Variants in LRRC49 observed in about 807,000 individuals in gnomAD.
LRRC49 encodes the protein leucine-rich repeat-containing protein 49.
In LRRC49, 50 loss-of-function variants were observed where a neutral mutation model predicts 83.3. The ratio of observed to expected loss-of-function variants is 0.60; its 90% CI spans 0.48 to 0.76. The LOEUF (loss-of-function observed/expected upper bound fraction) is 0.76, where lower values mean the gene tolerates loss of function less well. Ranked by LOEUF, LRRC49 falls within the 30% of genes least tolerant of loss-of-function variation. The pLI, the probability that LRRC49 is intolerant of heterozygous loss-of-function variation, is 0.00. For missense variants in LRRC49, 704 were observed against 809.1 expected, an observed-to-expected ratio of 0.87 and a Z score of 1.58; for synonymous variants, 286 against 283.3, an observed-to-expected ratio of 1.01 and a Z score of -0.10.
intron 14 of LRRC49, among the ~76,000 whole-genome samples, chr15:71,014,991 A>C (rs1232563415): frequency 1.3e-5 from 2 of 152,202 alleles, no homozygotes; most frequent in Non-Finnish European, 2.9e-5. Context: ...AACATCTATT[A>C]AACTGAAAGT....
Position 70,984,097 on chromosome 15 carries a change from A to G in LRRC49, c.1009A>G (p.Lys337Glu). ...ESHKQSLLKEKKRLTINNVAR... is the reference protein window; with the variant it reads ...ESHKQSLLKEEKRLTINNVAR... The stretch of plus-strand genomic sequence containing the variant: ...GTCACAATTAACTTTTTCATAGGAG[A>G]AGAAAAGGTTAACAATTAACAACGT... Residue 337 changes from lysine (K) to glutamate (E), a missense_variant, in exon 11 of 16, where the codon AAG becomes GAG. By Grantham distance (56) the Lys-to-Glu change is moderately conservative (BLOSUM62 1). Coordinates refer to ENST00000260382, the MANE Select transcript of LRRC49 (RefSeq NM_017691.5). 1.9e-6 allele frequency: 3 copies of G among 1,612,306 alleles called. No homozygotes were observed. Among genetic ancestry groups the G allele is most frequent in the Non-Finnish European group, 2.5e-6 (3 of 1,179,156 alleles).
intron 11 of LRRC49, among the ~76,000 whole-genome samples, chr15:70,992,756 AG>A (rs1194618061): frequency 6.6e-6 from 1 of 152,200 alleles, no homozygotes; most frequent in Non-Finnish European, 1.5e-5. Flanking sequence ...TTCGTCTCAG[AG>A]GGGTACCTGG....
chr15:70,912,708 G>A (rs1215375755), intron 6 of LRRC49, among the ~76,000 whole-genome samples: 2 of 151,698 alleles, frequency 1.3e-5, no homozygotes, highest in Non-Finnish European at 2.9e-5. Context: ...ACGGAGTCTT[G>A]CTCTGTCGCC....
intron 1 of LRRC49, chr15:70,854,087 A>T: frequency 7.6e-7 from 1 of 1,312,748 alleles, no homozygotes; most frequent in Non-Finnish European, 9.8e-7. Context: ...GGACTGGGCC[A>T]TGGCTCGCGG....
chr15:70,989,149 C>T (rs1396023275), intron 11 of LRRC49, among the ~76,000 whole-genome samples: 2 of 152,210 alleles, frequency 1.3e-5, no homozygotes, highest in East Asian at 3.9e-4. Flanking sequence ...ATCTTTGTGG[C>T]ATTCTCTGTA....
intron 7 of LRRC49, among the ~76,000 whole-genome samples, chr15:70,930,300 A>C (rs1463448867): frequency 6.6e-6 from 1 of 152,194 alleles, no homozygotes; most frequent in Non-Finnish European, 1.5e-5. Flanking sequence ...GACCAAGTGC[A>C]TTGTTAATAA....
At chr15:70,854,731 C>G (rs1459558065) in intron 1 of LRRC49, among the ~76,000 whole-genome samples, 1 of 152,110 alleles carries the variant, frequency 6.6e-6, no homozygotes, top group Non-Finnish European at 1.5e-5. Context: ...TCAGCTGCAC[C>G]GGGGAACTTG....
At chr15:70,865,610 GT>G (rs2032892996) in intron 1 of LRRC49, among the ~76,000 whole-genome samples, 1 of 152,078 alleles carries the variant, frequency 6.6e-6, no homozygotes, top group South Asian at 2.1e-4. Flanking sequence ...TATTGTTATT[GT>G]TGCTTCATGA....
intron 14 of LRRC49, among the ~76,000 whole-genome samples, chr15:71,013,803 T>C (rs746568215): frequency 6.6e-6 from 1 of 152,154 alleles, no homozygotes; most frequent in African/African-American, 2.4e-5. Flanking sequence ...CCCAGAATTA[T>C]ACCATAGAAC....
intron 14 of LRRC49, among the ~76,000 whole-genome samples, chr15:71,021,923 A>G (rs898040987): frequency 1.3e-5 from 2 of 152,222 alleles, no homozygotes; most frequent in Non-Finnish European, 2.9e-5. Flanking sequence ...GTCAAATCAG[A>G]TAACAGAGCA....
chr15:70,919,730 C>T (rs1159001371), intron 7 of LRRC49, among the ~76,000 whole-genome samples: 1 of 152,144 alleles, frequency 6.6e-6, no homozygotes, highest in Non-Finnish European at 1.5e-5. Context: ...ACTCTCTTGG[C>T]CTCAGTTTAG....
intron 6 of LRRC49, among the ~76,000 whole-genome samples, chr15:70,916,989 T>C (rs2034805682): frequency 6.6e-6 from 1 of 152,220 alleles, no homozygotes; most frequent in African/African-American, 2.4e-5. Flanking sequence ...TTCTCCCTGC[T>C]GTTGGTGCCT....
At chr15:71,024,428 T>G (rs2039092474) in intron 14 of LRRC49, among the ~76,000 whole-genome samples, 1 of 152,142 alleles carries the variant, frequency 6.6e-6, no homozygotes, top group Non-Finnish European at 1.5e-5. Flanking sequence ...TTTACTGTTT[T>G]GCAGCCTCCA....
rs2038541937 is a variant in LRRC49 at position 71,008,559 on chromosome 15, A to T, written c.1350A>T (p.Glu450Asp). Reference protein sequence around the residue: ...MITTVSFTFIEFDEIVQVLPK... With the variant: ...MITTVSFTFIDFDEIVQVLPK... ...CAACAGTCTCCTTCACTTTCATAGA[A>T]TTTGATGAAATCGTCCAAGTGCTTC... The change falls in exon 12 of 16, where the codon GAA (glutamate) becomes GAT (aspartate). Residue 450 changes from glutamate to aspartate, a missense_variant. By Grantham distance (45) the Glu-to-Asp change is conservative (BLOSUM62 2). Transcript: ENST00000260382. 4 of 1,612,740 alleles carry T rather than the reference A, an allele frequency of 2.5e-6. No homozygotes were observed. Among genetic ancestry groups the T allele is most frequent in the Non-Finnish European group, 3.4e-6 (4 of 1,179,154 alleles).
chr15:71,006,330 A>G (rs998159191), intron 11 of LRRC49, among the ~76,000 whole-genome samples: 2 of 152,184 alleles, frequency 1.3e-5, no homozygotes, highest in Non-Finnish European at 2.9e-5. Context: ...AAAGCAAGAC[A>G]CTTTTAAATA....
intron 2 of LRRC49, among the ~76,000 whole-genome samples, chr15:70,877,133 C>T (rs1397685615): frequency 6.6e-6 from 1 of 152,200 alleles, no homozygotes; most frequent in East Asian, 1.9e-4. Flanking sequence ...ACAATTCCAC[C>T]TATTTTGTGA....
intron 8 of LRRC49, among the ~76,000 whole-genome samples, chr15:70,954,169 A>G (rs2036317892): frequency 6.6e-6 from 1 of 152,232 alleles, no homozygotes; most frequent in Non-Finnish European, 1.5e-5. Flanking sequence ...TGCTGGGATT[A>G]CAGGTGTGAG....
Position 71,001,530 on chromosome 15 carries a change from T to C in LRRC49, c.1170-6849T>C, listed in dbSNP as rs148076240. 9.9e-3 allele frequency among the ~76,000 whole-genome samples: 1,504 copies of C among 152,324 alleles called. 26 individuals carry two copies. The highest frequency in any genetic ancestry group is 0.034 in the African/African-American group (1,393 of 41,566). ...TATCCTTCTTCATCACTTAACACTTTTTCTTTCTAGCTTCCAGAAATTTTC... is the reference window on the plus strand; with the variant it reads ...TATCCTTCTTCATCACTTAACACTTCTTCTTTCTAGCTTCCAGAAATTTTC... On this transcript the variant is annotated intron_variant, in intron 11 of 15. Transcript: ENST00000260382.
At chr15:70,859,801 C>T (rs953439366) in intron 1 of LRRC49, 51 of 751,976 alleles carry the variant, frequency 6.8e-5, no homozygotes, top group Non-Finnish European at 1.2e-4. Context: ...TGCAATGGGC[C>T]AGGCAGGATA....
Sources: allele counts gnomAD v4.1 joint callset (sites outside exome capture counted in the v4.1 genomes callset), GRCh38; gene constraint gnomAD v4.1.1; transcripts MANE v1.5; gene names NCBI Gene and HGNC (gene_info 2026-07-23, HGNC 2026-07-21).